The following GULP1 variants were observed in gnomAD, a reference collection of about 807,000 sequenced individuals.
The protein encoded by GULP1 is GULP PTB domain containing engulfment adaptor 1, also known as PTB domain-containing engulfment adapter protein 1.
Under a neutral mutation model 40.9 loss-of-function variants are expected in GULP1, and 19 were observed. The observed-to-expected ratio is 0.46, with a 90% CI of 0.32 to 0.68. The LOEUF (loss-of-function observed/expected upper bound fraction) is 0.68, where lower values mean the gene tolerates loss of function less well. Among genes scored for constraint, GULP1 ranks in the 30% least tolerant of loss-of-function variants. The pLI, the probability that GULP1 is intolerant of heterozygous loss-of-function variation, is 0.03. For missense variants in GULP1, 312 were observed against 362.2 expected (o/e 0.86, Z 1.12); for synonymous variants, 119 against 117.6 (o/e 1.01, Z -0.08).
chr2:188,514,642 T>C (rs925938986), intron 4 of GULP1, among the ~76,000 whole-genome samples: 4 of 152,168 alleles, frequency 2.6e-5, no homozygotes, highest in Non-Finnish European at 5.9e-5. Flanking sequence ...ATTGCTAATT[T>C]TTTTTGTTTT....
chr2:188,352,381 T>C (rs780202482), intron 1 of GULP1, among the ~76,000 whole-genome samples: 5 of 152,088 alleles, frequency 3.3e-5, no homozygotes, highest in Admixed American at 6.5e-5. Context: ...TCTTACTGGC[T>C]ATTCTTGGAT....
chr2:188,353,617 C>T (rs992216575), intron 1 of GULP1, among the ~76,000 whole-genome samples: 10 of 151,816 alleles, frequency 6.6e-5, no homozygotes, highest in South Asian at 2.1e-4. Flanking sequence ...GAGCAGTCAC[C>T]GCTGCCTGTG....
At chr2:188,407,485 A>G (rs1209004725) in intron 2 of GULP1, among the ~76,000 whole-genome samples, 1 of 152,196 alleles carries the variant, frequency 6.6e-6, no homozygotes, top group Non-Finnish European at 1.5e-5. Context: ...AAAGGATGTA[A>G]ATTATGACAT....
chr2:188,589,762 A>C (rs1277060907), intron 11 of GULP1: 1 of 1,330,502 alleles, frequency 7.5e-7, no homozygotes, highest in Non-Finnish European at 1.0e-6. Flanking sequence ...TTGGTATATT[A>C]TTTTTATAAT....
intron 7 of GULP1, among the ~76,000 whole-genome samples, chr2:188,551,614 A>G (rs191485861): frequency 6.6e-6 from 1 of 151,918 alleles, no homozygotes; most frequent in Admixed American, 6.6e-5. Context: ...TGCTATTGTG[A>G]ATAGTGCTGA....
intron 4 of GULP1, among the ~76,000 whole-genome samples, chr2:188,521,328 T>C (rs1460014060): frequency 6.6e-6 from 1 of 152,158 alleles, no homozygotes; most frequent in Non-Finnish European, 1.5e-5. Flanking sequence ...AGTGTGATAA[T>C]TATTATGAAA....
intron 9 of GULP1, among the ~76,000 whole-genome samples, chr2:188,574,236 A>G (rs114140176): frequency 3.9e-3 from 601 of 152,282 alleles, no homozygotes; most frequent in Admixed American, 8.1e-3. Context: ...AATAAAAATA[A>G]TGTAAATCAC....
chr2:188,326,992 C>T (rs1453215886), intron 1 of GULP1, among the ~76,000 whole-genome samples: 4 of 152,084 alleles, frequency 2.6e-5, no homozygotes, highest in Admixed American at 6.6e-5. Context: ...TAAAATGGGT[C>T]GAGGGCTCTA....
intron 1 of GULP1, among the ~76,000 whole-genome samples, chr2:188,377,845 A>G (rs2048487187): frequency 1.3e-5 from 2 of 152,330 alleles, no homozygotes; most frequent in South Asian, 4.1e-4. Flanking sequence ...GAATTAAAAT[A>G]AATTTTTAAA....
intron 6 of GULP1, among the ~76,000 whole-genome samples, chr2:188,537,256 C>T (rs1028757225): frequency 6.6e-6 from 1 of 151,830 alleles, no homozygotes; most frequent in African/African-American, 2.4e-5. Flanking sequence ...GCATCCTTGT[C>T]TTGTTCCAGT....
intron 2 of GULP1, among the ~76,000 whole-genome samples, chr2:188,476,302 G>C (rs2061002191): frequency 6.6e-6 from 1 of 152,096 alleles, no homozygotes; most frequent in Non-Finnish European, 1.5e-5. Flanking sequence ...AGTGGAATGG[G>C]GGAAGCTATT....
intron 2 of GULP1, among the ~76,000 whole-genome samples, chr2:188,387,576 T>C (rs913542783): frequency 6.6e-6 from 1 of 152,136 alleles, no homozygotes; most frequent in Non-Finnish European, 1.5e-5. Flanking sequence ...AGCTTGGGAA[T>C]TGAGGAACAC....
intron 7 of GULP1, among the ~76,000 whole-genome samples, chr2:188,548,841 T>TTGTTC (rs1692669459): frequency 6.6e-6 from 1 of 150,924 alleles, no homozygotes; most frequent in Non-Finnish European, 1.5e-5. Flanking sequence ...TTGTTTTGTT[T>TTGTTC]TGTTTTGTTT....
chr2:188,553,671 T>C (rs990578389), intron 7 of GULP1, among the ~76,000 whole-genome samples: 3 of 152,052 alleles, frequency 2.0e-5, no homozygotes, highest in Non-Finnish European at 4.4e-5. Flanking sequence ...ATCTTGGCCT[T>C]ATAGAATGAG....
At chr2:188,472,086 C>T (rs1449562933) in intron 2 of GULP1, among the ~76,000 whole-genome samples, 1 of 152,104 alleles carries the variant, frequency 6.6e-6, no homozygotes, top group Non-Finnish European at 1.5e-5. Flanking sequence ...TTAAATATGT[C>T]ATGACATTCT....
intron 1 of GULP1, among the ~76,000 whole-genome samples, chr2:188,368,127 TC>T (rs2047047946): frequency 6.6e-6 from 1 of 152,212 alleles, no homozygotes; most frequent in Non-Finnish European, 1.5e-5. Context: ...TGGTAAAAAT[TC>T]TATACCTAAT....
At chr2:188,457,699 A>G (rs1444960469) in intron 2 of GULP1, among the ~76,000 whole-genome samples, 1 of 152,190 alleles carries the variant, frequency 6.6e-6, no homozygotes, top group Non-Finnish European at 1.5e-5. Context: ...GTTTCAATAT[A>G]TGGATATAAT....
intron 4 of GULP1, among the ~76,000 whole-genome samples, chr2:188,488,305 TCTC>T (rs977434879): frequency 1.8e-4 from 27 of 152,006 alleles, no homozygotes; most frequent in African/African-American, 6.3e-4. Flanking sequence ...GGTTCAAACT[TCTC>T]CTCTCTCAAC....
At chr2:188,539,478 C>A (rs1689869397) in intron 6 of GULP1, among the ~76,000 whole-genome samples, 1 of 151,952 alleles carries the variant, frequency 6.6e-6, no homozygotes, top group Admixed American at 6.6e-5. Context: ...TGATCATTGT[C>A]CATCGATGCT....
Sources: gnomAD v4.1 joint callset for allele counts (sites outside exome capture counted in the v4.1 genomes callset) on GRCh38, gnomAD v4.1.1 for gene constraint, MANE v1.5 for transcripts, NCBI Gene and HGNC (gene_info 2026-07-23, HGNC 2026-07-21) for gene names.